The following SYN2 variants were observed in gnomAD, a reference collection of about 807,000 sequenced individuals.
The protein encoded by SYN2 is synapsin-2.
SYN2 carries 19 observed loss-of-function variants against 50.9 expected under a neutral mutation model. The ratio of observed to expected loss-of-function variants is 0.37; its 90% CI spans 0.26 to 0.55. The LOEUF (loss-of-function observed/expected upper bound fraction) is 0.55, where lower values mean the gene tolerates loss of function less well. Among genes scored for constraint, SYN2 ranks in the 20% least tolerant of loss-of-function variants. SYN2 has a pLI of 0.81. For missense variants in SYN2, 587 were observed against 576.4 expected, an observed-to-expected ratio of 1.02 and a Z score of -0.19; for synonymous variants, 255 against 224.9, an observed-to-expected ratio of 1.13 and a Z score of -1.20.
At chr3:12,139,366 AG>A (rs1696966238) in intron 1 of SYN2, among the ~76,000 whole-genome samples, 1 of 152,174 alleles carries the variant, frequency 6.6e-6, no homozygotes, top group Non-Finnish European at 1.5e-5. Flanking sequence ...CGGCACACAC[AG>A]GGCAAGTCCG....
chr3:12,063,158 G>A (rs1355632734), intron 1 of SYN2, among the ~76,000 whole-genome samples: 2 of 151,744 alleles, frequency 1.3e-5, no homozygotes, highest in Non-Finnish European at 2.9e-5. Flanking sequence ...CTGAAATGGA[G>A]GAATACATGA....
chr3:12,070,627 C>A, intron 1 of SYN2: 1 of 1,374,560 alleles, frequency 7.3e-7, no homozygotes, highest in Non-Finnish European at 9.9e-7. Flanking sequence ...AACACCCTGT[C>A]CATGTACGTG....
At chr3:12,079,173 A>C (rs1169753114) in intron 1 of SYN2, among the ~76,000 whole-genome samples, 1 of 152,194 alleles carries the variant, frequency 6.6e-6, no homozygotes, top group Admixed American at 6.5e-5. Flanking sequence ...ACTTTGCTGA[A>C]GTTGCTTATC....
chr3:12,144,144 TA>T (rs1470199621), intron 3 of SYN2, among the ~76,000 whole-genome samples: 1 of 152,108 alleles, frequency 6.6e-6, no homozygotes, highest in African/African-American at 2.4e-5. Context: ...AGCTCAGACA[TA>T]AAAACAGGGG....
chr3:12,117,638 T>A lies in SYN2; in HGVS notation c.378-23013T>A, dbSNP rs552780027. On this transcript the variant is annotated intron_variant, in intron 1 of 12. Transcript: ENST00000621198. ...GAACTGGAACCAACAGCATTCTGGA[T>A]GGTATGAGTGGGAAGTGCCAGAATC... Among the ~76,000 whole-genome samples, 37 of 152,256 alleles carry A rather than the reference T, an allele frequency of 2.4e-4. No individual in the cohort carries two copies. The East Asian group carries it at 6.2e-3, about 25-fold the overall frequency.
rs781683488 is a variant in SYN2, at chr3:12,169,735, C to T, written c.1159-22C>T. The T allele has an allele frequency of 1.7e-5, 27 of 1,613,314 alleles. No homozygotes were observed. In the Admixed American group the frequency reaches 4.3e-4, roughly 26 times the overall value. ...TTATGTTTCCAGACCCCTTTCCTCA[C>T]CTGGGACACATCTCCCACCAGGTCA... On this transcript the variant is annotated intron_variant, in intron 9 of 12. Transcript: ENST00000621198.
At chr3:12,142,590 A>C (rs1314854725) in intron 3 of SYN2, among the ~76,000 whole-genome samples, 1 of 152,194 alleles carries the variant, frequency 6.6e-6, no homozygotes, top group Non-Finnish European at 1.5e-5. Flanking sequence ...GAGCACTTAC[A>C]TGCCAGGTGG....
At chr3:12,100,469 T>C (rs964904540) in intron 1 of SYN2, among the ~76,000 whole-genome samples, 2 of 152,104 alleles carry the variant, frequency 1.3e-5, no homozygotes, top group African/African-American at 4.8e-5. Flanking sequence ...TCATACTATA[T>C]ACAAAAATTA....
intron 1 of SYN2, among the ~76,000 whole-genome samples, chr3:12,122,807 A>ACC (rs1696589132): frequency 6.6e-6 from 1 of 152,194 alleles, no homozygotes; most frequent in Non-Finnish European, 1.5e-5. Context: ...TAAAAAATCT[A>ACC]AAGTTATAAA....
At chr3:12,159,676 T>C (rs555206277) in intron 5 of SYN2, among the ~76,000 whole-genome samples, 1 of 152,276 alleles carries the variant, frequency 6.6e-6, no homozygotes, top group South Asian at 2.1e-4. Context: ...GGCCCTAGAC[T>C]ACATTGATTT....
chr3:12,120,634 T>A (rs1313899388), intron 1 of SYN2, among the ~76,000 whole-genome samples: 2 of 152,118 alleles, frequency 1.3e-5, no homozygotes, highest in Admixed American at 1.3e-4. Context: ...CCCTTGGAGG[T>A]GGTAGTTGTT....
rs113458928 is a variant in SYN2, at chr3:12,153,699, T to C, written c.774+2373T>C. ...GGCCGAGATGGTACAGGGTACTGTG[T>C]AGCAGGTGGTGATCTAGAGTCATGG... On this transcript the variant is annotated intron_variant, in intron 5 of 12. Coordinates refer to ENST00000621198, the MANE Select transcript of SYN2 (RefSeq NM_133625.6). The C allele has an allele frequency of 9.3e-6, 15 of 1,614,072 alleles. No individual in the cohort carries two copies. The highest frequency in any genetic ancestry group is 1.6e-4 in the Middle Eastern group (1 of 6,084).
rs557920451 is a variant in SYN2, at chr3:12,183,689, A to G, written c.1369+317A>G. ...GATTCCAGGGCTGTTTGTCAACAGT[A>G]TACAAAAGAATTGTGCCTCTCCCAA... On this transcript the variant is annotated intron_variant, in intron 11 of 12. Transcript: ENST00000621198. 4.6e-6 allele frequency: 6 copies of G among 1,296,262 alleles called. No homozygotes were observed. In the African/African-American group the frequency reaches 9.2e-5, roughly 20 times the overall value. 80.3% of individuals were successfully genotyped at this position (1,296,262 alleles called of 1,614,324 possible). A position where few individuals can be genotyped will look rare whatever the true frequency, so the allele number is the denominator to read the frequency against.
chr3:12,032,489 T>A (rs1694402140), intron 1 of SYN2, among the ~76,000 whole-genome samples: 1 of 70,050 alleles, frequency 1.4e-5, no homozygotes, highest in Non-Finnish European at 2.6e-5. Context: ...CCAACTTGGT[T>A]CCATTCTCCG....
chr3:12,034,728 G>A (rs1359288961), intron 1 of SYN2, among the ~76,000 whole-genome samples: 1 of 152,152 alleles, frequency 6.6e-6, no homozygotes, highest in African/African-American at 2.4e-5. Context: ...GTCCATTCAC[G>A]AAGGCAGAGC....
intron 1 of SYN2, among the ~76,000 whole-genome samples, chr3:12,059,272 A>G (rs1375560595): frequency 6.6e-6 from 1 of 152,186 alleles, no homozygotes; most frequent in African/African-American, 2.4e-5. Flanking sequence ...TCATAAATCA[A>G]TACATAGAGG....
chr3:12,184,340 A>T, intron 11 of SYN2: 1 of 985,828 alleles, frequency 1.0e-6, no homozygotes, highest in Non-Finnish European at 1.2e-6. Flanking sequence ...GCTTGTGTGG[A>T]CCTGAGGCTG....
chr3:12,080,037 G>C (rs1020257087), intron 1 of SYN2, among the ~76,000 whole-genome samples: 3 of 152,086 alleles, frequency 2.0e-5, no homozygotes, highest in Non-Finnish European at 4.4e-5. Flanking sequence ...TTGGGATGGT[G>C]TATGTGTCCA....
At chr3:12,170,188 A>G (rs1190778400) in intron 10 of SYN2, among the ~76,000 whole-genome samples, 1 of 152,220 alleles carries the variant, frequency 6.6e-6, no homozygotes, top group African/African-American at 2.4e-5. Context: ...CCAGGGAACC[A>G]GAGCCAGTTT....
Sources: gnomAD v4.1 joint callset for allele counts (sites outside exome capture counted in the v4.1 genomes callset) on GRCh38, gnomAD v4.1.1 for gene constraint, MANE v1.5 for transcripts, NCBI Gene and HGNC (gene_info 2026-07-23, HGNC 2026-07-21) for gene names.